GRID2: variants seen among roughly 807,000 people sequenced by gnomAD.
The protein encoded by GRID2 is glutamate receptor ionotropic, delta-2.
A neutral mutation model predicts 114.8 loss-of-function variants in GRID2; 33 were observed. The ratio of observed to expected loss-of-function variants is 0.29; its 90% CI spans 0.22 to 0.38. GRID2 has a LOEUF of 0.38. Among genes scored for constraint, GRID2 ranks in the 10% least tolerant of loss-of-function variants. The probability of loss-of-function intolerance (pLI) is 1.00; values close to 1 mark genes in which losing one functional copy is unlikely to be tolerated. For missense variants in GRID2, 1,184 were observed against 1,257.7 expected (o/e 0.94, Z 0.89); for synonymous variants, 505 against 449.9 (o/e 1.12, Z -1.55).
chr4:92,875,176 T>TTTTTTTTTC (rs1491137154), intron 2 of GRID2, among the ~76,000 whole-genome samples: 1 of 115,778 alleles, frequency 8.6e-6, no homozygotes, highest in Non-Finnish European at 1.9e-5. Context: ...TTTTTTTTTT[T>TTTTTTTTTC]CCCGAGACGG....
In GRID2 at chr4:93,448,462, C is replaced by A. The variant is rs368612194; in HGVS notation, c.1546-7200C>A. ...TTTGGGATATGGATCAAACACTACA[C>A]CCTCATAATATGCCATTTTCTCAAG... is the stretch of plus-strand genomic sequence containing the variant. On this transcript the variant is annotated intron_variant, in intron 10 of 15. Transcript: ENST00000282020. Among the ~76,000 whole-genome samples, 6 of 151,428 alleles carry A rather than the reference C, an allele frequency of 4.0e-5. 1 individual carries two copies. The East Asian group carries it at 9.8e-4, about 25-fold the overall frequency.
At chr4:92,931,162 G>A (rs1009588650) in intron 2 of GRID2, among the ~76,000 whole-genome samples, 2 of 150,800 alleles carry the variant, frequency 1.3e-5, no homozygotes, top group Admixed American at 6.6e-5. Context: ...TCATAATGGA[G>A]CAGAGTTTGC....
At chr4:93,197,228 A>G (rs1741587720) in intron 4 of GRID2, among the ~76,000 whole-genome samples, 1 of 152,190 alleles carries the variant, frequency 6.6e-6, no homozygotes, top group African/African-American at 2.4e-5. Context: ...TGAAAACTAC[A>G]TAACAGGTTC....
At chr4:93,089,039 T>G (rs1169560475) in intron 3 of GRID2, among the ~76,000 whole-genome samples, 2 of 152,084 alleles carry the variant, frequency 1.3e-5, no homozygotes, top group East Asian at 3.9e-4. Context: ...AATAGCCCTT[T>G]GTAGTAGTTA....
At chr4:92,359,406 A>G (rs1419488556) in intron 1 of GRID2, among the ~76,000 whole-genome samples, 1 of 152,016 alleles carries the variant, frequency 6.6e-6, no homozygotes, top group Non-Finnish European at 1.5e-5. Flanking sequence ...AATGTTGGCA[A>G]GTTACTTATC....
At chr4:92,330,395 G>A (rs546004857) in intron 1 of GRID2, among the ~76,000 whole-genome samples, 2 of 152,002 alleles carry the variant, frequency 1.3e-5, no homozygotes, top group Non-Finnish European at 1.5e-5. Flanking sequence ...TTTAGTAGTA[G>A]TGACCTCTGT....
intron 2 of GRID2, among the ~76,000 whole-genome samples, chr4:92,616,857 A>G (rs191891467): frequency 3.3e-5 from 5 of 151,524 alleles, no homozygotes; most frequent in South Asian, 2.1e-4. Flanking sequence ...TTTCTAGAGA[A>G]TCATTCTCTG....
At chr4:93,800,234 G>A (rs1734901551) in intron 1 of GRID2, among the ~76,000 whole-genome samples, 1 of 152,218 alleles carries the variant, frequency 6.6e-6, no homozygotes, top group Admixed American at 6.5e-5. Flanking sequence ...TGTGATAGCA[G>A]CAATCCTGTG....
At chr4:93,217,707 A>T (rs1744399053) in intron 6 of GRID2, among the ~76,000 whole-genome samples, 1 of 152,164 alleles carries the variant, frequency 6.6e-6, no homozygotes, top group East Asian at 1.9e-4. Context: ...ACTAACTCAT[A>T]TAACCTGTCA....
At chr4:93,573,167 G>C (rs979887323) in intron 13 of GRID2, among the ~76,000 whole-genome samples, 9 of 152,102 alleles carry the variant, frequency 5.9e-5, no homozygotes, top group Non-Finnish European at 1.2e-4. Context: ...AGTTAACTTT[G>C]AGTTTTTATT....
intron 1 of GRID2, among the ~76,000 whole-genome samples, chr4:93,795,215 T>C (rs1407216531): frequency 6.6e-6 from 1 of 152,092 alleles, no homozygotes; most frequent in African/African-American, 2.4e-5. Flanking sequence ...TAGTATATAG[T>C]AGTGTGACTA....
chr4:92,846,831 T>G (rs1743362229), intron 2 of GRID2, among the ~76,000 whole-genome samples: 1 of 152,066 alleles, frequency 6.6e-6, no homozygotes, highest in Non-Finnish European at 1.5e-5. Flanking sequence ...TTACATGTAT[T>G]TAGTCATTAC....
intron 8 of GRID2, among the ~76,000 whole-genome samples, chr4:93,245,454 G>T (rs1748098343): frequency 6.6e-6 from 1 of 152,174 alleles, no homozygotes; most frequent in Non-Finnish European, 1.5e-5. Context: ...GGTTAAGCAA[G>T]ATATATGTAT....
chr4:92,453,411 G>A (rs541769346), intron 1 of GRID2, among the ~76,000 whole-genome samples: 23 of 152,138 alleles, frequency 1.5e-4, no homozygotes, highest in Admixed American at 2.6e-4. Context: ...CAGAGAATGG[G>A]TTCATACAGA....
In GRID2 at chr4:92,352,410, G is replaced by T. The variant is rs968943431; in HGVS notation, c.88+47666G>T. Among the ~76,000 whole-genome samples the T allele has an allele frequency of 7.3e-5, 11 of 151,172 alleles. No individual in the cohort carries two copies. In the South Asian group the frequency reaches 2.3e-3, roughly 31 times the overall value. ...TTGTTTGAGCTCCTTGTATCTTCTG[G>T]ATATTAATCCCTTGTCAGGTGAATA... On this transcript the variant is annotated intron_variant, in intron 1 of 15. Coordinates refer to ENST00000282020, the MANE Select transcript of GRID2 (RefSeq NM_001510.4).
intron 8 of GRID2, among the ~76,000 whole-genome samples, chr4:93,360,026 A>T (rs779400230): frequency 2.0e-5 from 3 of 151,502 alleles, no homozygotes; most frequent in Non-Finnish European, 2.9e-5. Flanking sequence ...TAAAGTCTTG[A>T]CACGTAAATC....
chr4:93,422,201 T>C (rs1291631473), intron 9 of GRID2, among the ~76,000 whole-genome samples: 1 of 152,200 alleles, frequency 6.6e-6, no homozygotes, highest in East Asian at 1.9e-4. Flanking sequence ...GTAAGTGAAT[T>C]TCTCATATCA....
chr4:92,818,534 T>G (rs1269218146), intron 2 of GRID2, among the ~76,000 whole-genome samples: 1 of 152,156 alleles, frequency 6.6e-6, no homozygotes, highest in East Asian at 1.9e-4. Flanking sequence ...CAGTCTGATT[T>G]GGTGTATTGC....
Position 92,871,333 on chromosome 4 carries a change from A to G in GRID2, c.245-213662A>G, listed in dbSNP as rs574427507. Among the ~76,000 whole-genome samples, 23 of 152,046 alleles carry G rather than the reference A, an allele frequency of 1.5e-4. No homozygotes were observed. The East Asian group carries it at 4.3e-3, about 28-fold the overall frequency. On this transcript the variant is annotated intron_variant, in intron 2 of 15. Coordinates refer to ENST00000282020, the MANE Select transcript of GRID2 (RefSeq NM_001510.4). ...GATTCTTTTTTTTTCTGTTAATGTA[A>G]CAAGTTAAAAGGTTAAGTAAATCTT...
Sources: gnomAD v4.1 joint callset for allele counts (sites outside exome capture counted in the v4.1 genomes callset) on GRCh38, gnomAD v4.1.1 for gene constraint, MANE v1.5 for transcripts, NCBI Gene and HGNC (gene_info 2026-07-23, HGNC 2026-07-21) for gene names.